Variants in KLC3 observed in about 807,000 individuals in gnomAD.
KLC3 encodes the protein kinesin light chain 3, also known as kinesin light chain 2.
Under a neutral mutation model 62.9 loss-of-function variants are expected in KLC3, and 72 were observed. That is an observed-to-expected ratio of 1.15 (90% CI 0.95 to 1.39). KLC3 has a LOEUF of 1.39. Ranked by LOEUF, KLC3 falls within the 40% of genes most tolerant of loss-of-function variation. The pLI is 0.00. For synonymous variants in KLC3, 377 were observed against 300.5 expected (o/e 1.25, Z -2.63); for missense variants, 848 against 691.6 (o/e 1.23, Z -2.54).
At chr19:45,346,412 G>A (rs912518199) in intron 2 of KLC3, 132 bp from the exon 3 acceptor site, 5 of 800,114 alleles carry the variant, frequency 6.2e-6, no homozygotes, top group Non-Finnish European at 7.6e-6. Context: ...CATGTTGGCA[G>A]AGTCTCTGCA....
At chr19:45,343,357 G>A (rs997632514) in intron 1 of KLC3, among the ~76,000 whole-genome samples, 2 of 151,844 alleles carry the variant, frequency 1.3e-5, no homozygotes, top group Non-Finnish European at 2.9e-5. Context: ...TTTTTGACAC[G>A]GAGTTTTGCT....
chr19:45,343,845 CTTT>C, intron 1 of KLC3, among the ~76,000 whole-genome samples: 1 of 80,790 alleles, frequency 1.2e-5, no homozygotes, highest in Non-Finnish European at 3.3e-5. Context: ...GCTGTCCTTT[CTTT>C]CTTTCTTTTT....
chr19:45,346,427 C>T, intron 2 of KLC3, 117 bp from the exon 3 acceptor site: 1 of 867,856 alleles, frequency 1.2e-6, no homozygotes, highest in Non-Finnish European at 1.7e-6. Context: ...TCTGCAGAAT[C>T]TGGGGGTGTC....
intron 1 of KLC3, among the ~76,000 whole-genome samples, chr19:45,341,789 GTGTGTGTGTGTGT>G (rs1971402448): frequency 7.2e-6 from 1 of 139,268 alleles, no homozygotes; most frequent in African/African-American, 3.3e-5. Context: ...GTGTGTGTGT[GTGTGTGTGTGTGT>G]AGAGAGGAAC....
At position 45,350,697 on chromosome 19, in the gene KLC3, TGA is replaced by T. The variant is rs1491245907; in HGVS notation, c.1332_1333del (p.Lys445AlafsTer?). On this transcript the variant is annotated frameshift_variant, in exon 11 of 13. Coordinates refer to ENST00000391946, the MANE Select transcript of KLC3 (RefSeq NM_177417.3). LOFTEE classifies it high-confidence loss of function. Reference protein sequence around the residue: ...KIRESIRRGSEKLVSRLRGEA... With the variant: ...KIRESIRRGSXKLVSRLRGEA... ...TCCGTGAGTCTATCAGGCGAGGAAG[TGA>T]GAAGCTGGTCTCCCGGCTCCGAGGC... 1 of 1,613,614 alleles carries T rather than the reference TGA, an allele frequency of 6.2e-7. No individual in the cohort carries two copies.
chr19:45,349,680 GTGAGCAACGTGAGGGT>G, intron 8 of KLC3, 78 bp downstream of exon 8: 1 of 1,072,986 alleles, frequency 9.3e-7, no homozygotes, highest in Non-Finnish European at 1.3e-6. Context: ...TGGATACAGG[GTGAGCAACGTGAGGGT>G]GGGGGGGGGC....
intron 8 of KLC3, chr19:45,349,972 C>G: frequency 2.4e-6 from 1 of 414,644 alleles, no homozygotes; most frequent in Non-Finnish European, 4.4e-6. Flanking sequence ...ACTGAGGCAC[C>G]GAGGCCATGC....
chr19:45,342,322 A>T (rs1568519751), intron 1 of KLC3, among the ~76,000 whole-genome samples: 1 of 152,116 alleles, frequency 6.6e-6, no homozygotes, highest in Admixed American at 6.6e-5. Context: ...GCAGTGGCTC[A>T]TACCTGTAAT....
chr19:45,350,074 A>C (rs895129443), intron 8 of KLC3: 1 of 495,062 alleles, frequency 2.0e-6, no homozygotes, highest in East Asian at 3.5e-5. Flanking sequence ...CTCCAAACCC[A>C]CTCTGCCCCA....
At position 45,345,701 on chromosome 19, in the gene KLC3, G is replaced by A; in HGVS notation, c.160G>A (p.Gly54Arg). The A allele has an allele frequency of 6.4e-7, 1 of 1,569,872 alleles. No homozygotes were observed. Among genetic ancestry groups the A allele is most frequent in the Non-Finnish European group, 8.6e-7 (1 of 1,158,630 alleles). ...LAGHLAEALAGQGPAAGLEML... is the reference protein window; with the variant it reads ...LAGHLAEALARQGPAAGLEML... ...TGGGCACCTGGCGGAGGCCCTGGCG[G>A]GACAGGGCCCGGCAGCCGGCTTGGA... The change falls in exon 2 of 13, where the codon GGA (glycine) becomes AGA (arginine). Residue 54 changes from glycine to arginine, a missense_variant. Physicochemically the swap from Gly to Arg is moderately radical, Grantham distance 125 (BLOSUM62 -2). Transcript: ENST00000391946.
At chr19:45,345,494 C>A in intron 1 of KLC3, 40 bp from the exon 2 acceptor site, 1 of 1,551,304 alleles carries the variant, frequency 6.4e-7, no homozygotes, top group South Asian at 1.2e-5. Flanking sequence ...CTGACTGGCC[C>A]GGGCAATGAT....
rs779694964 is a variant in KLC3, at chr19:45,350,571, C to CG, written c.1272+22dup. 3.7e-6 allele frequency: 6 copies of CG among 1,613,800 alleles called. No homozygotes were observed. The African/African-American group carries it at 8.0e-5, about 22-fold the overall frequency. ...GAACAGGTGAGGATGGGCTGTGCTTCGGCTCCTGGGGTGGGCGTGGGGACT... is the reference window on the plus strand; with the variant it reads ...GAACAGGTGAGGATGGGCTGTGCTTCGGGCTCCTGGGGTGGGCGTGGGGACT... On this transcript the variant is annotated intron_variant, in intron 10 of 12. Coordinates refer to ENST00000391946, the MANE Select transcript of KLC3 (RefSeq NM_177417.3).
intron 10 of KLC3, 26 bp downstream of exon 10, chr19:45,350,577 C>CTGGGGTGGGCGTGGGGACTGCATGGGCCT: frequency 1.9e-6 from 3 of 1,613,978 alleles, no homozygotes; most frequent in Non-Finnish European, 1.7e-6. Flanking sequence ...GCTTCGGCTC[C>CTGGGGTGGGCGTGGGGACTGCATGGGCCT]TGGGGTGGGC....
chr19:45,342,168 G>A lies in KLC3; in HGVS notation c.-9+1322G>A, dbSNP rs542297720. Among the ~76,000 whole-genome samples, 40 of 152,174 alleles carry A rather than the reference G, an allele frequency of 2.6e-4. 1 individual carries two copies. In the South Asian group the frequency reaches 6.4e-3, roughly 24 times the overall value. On this transcript the variant is annotated intron_variant, in intron 1 of 12. Coordinates refer to ENST00000391946, the MANE Select transcript of KLC3 (RefSeq NM_177417.3). Reference sequence around the variant, plus strand: ...AGGTTATAGAGGGAGGTTTTACATCGGCAAAATTGTGTGAAGAATGGTTGT... The same window carrying A: ...AGGTTATAGAGGGAGGTTTTACATCAGCAAAATTGTGTGAAGAATGGTTGT...
In KLC3 at chr19:45,345,530, C is replaced by G; in HGVS notation, c.-8-4C>G. 4 of 1,559,838 alleles carry G rather than the reference C, an allele frequency of 2.6e-6. No homozygotes were observed. Among genetic ancestry groups the G allele is most frequent in the Non-Finnish European group, 3.5e-6 (4 of 1,152,512 alleles). The stretch of plus-strand genomic sequence containing the variant: ...TCCCCAAACCCCTCACCATTGCTCC[C>G]CAGGAGCAGCAATGTCTGTGCAGGT... On this transcript the variant is annotated splice_polypyrimidine_tract_variant and splice_region_variant and intron_variant, in intron 1 of 12. Transcript: ENST00000391946.
chr19:45,347,068 T>G (rs1599708544), intron 3 of KLC3: 1 of 448,212 alleles, frequency 2.2e-6, no homozygotes, highest in Non-Finnish European at 4.0e-6. Context: ...ATAGGCTGGG[T>G]GCGGTGGCTC....
chr19:45,345,601 T>C lies in KLC3; in HGVS notation c.60T>C (p.Pro20=), dbSNP rs753059267. ...GGCTGGGCCCAGAGCGCCTGAGCCC[T>C]GAGGAGCTGGTGCGGCAGACGCGGC... ...SAGLGPERLS[P]EELVRQTRQV... is the part of the protein sequence containing the mutation. Residue 20 remains proline (P), a synonymous_variant, in exon 2 of 13, where the codon CCT becomes CCC. Coordinates refer to ENST00000391946, the MANE Select transcript of KLC3 (RefSeq NM_177417.3). The C allele has an allele frequency of 2.0e-5, 31 of 1,576,222 alleles. No homozygotes were observed. The highest frequency in any genetic ancestry group is 2.3e-5 in the Non-Finnish European group (27 of 1,162,126).
chr19:45,347,172 G>A (rs1209658245), intron 3 of KLC3: 16 of 450,508 alleles, frequency 3.6e-5, no homozygotes, highest in Admixed American at 1.2e-4. Context: ...GAGAAACCCC[G>A]TCTCTACTAA....
chr19:45,350,886 G>C, intron 11 of KLC3, 68 bp from the exon 12 acceptor site: 1 of 1,567,722 alleles, frequency 6.4e-7, no homozygotes, highest in Non-Finnish European at 8.8e-7. Context: ...CCCTGTGCTG[G>C]AAAGGTCCCT....
Sources: gnomAD v4.1 joint callset for allele counts (sites outside exome capture counted in the v4.1 genomes callset) on GRCh38, gnomAD v4.1.1 for gene constraint, MANE v1.5 for transcripts, NCBI Gene and HGNC (gene_info 2026-07-23, HGNC 2026-07-21) for gene names.